CEACAM1: variants seen among roughly 807,000 people sequenced by gnomAD.
CEACAM1 encodes the protein cell adhesion molecule CEACAM1.
Under a neutral mutation model 49.1 loss-of-function variants are expected in CEACAM1, and 31 were observed. The ratio of observed to expected loss-of-function variants is 0.63; its 90% CI spans 0.47 to 0.85. The LOEUF (loss-of-function observed/expected upper bound fraction) is 0.85. Ranked by LOEUF, CEACAM1 falls within the 40% of genes least tolerant of loss-of-function variation. The pLI, the probability that CEACAM1 is intolerant of heterozygous loss-of-function variation, is 0.00. For missense variants in CEACAM1, 570 were observed against 645.3 expected, an observed-to-expected ratio of 0.88 and a Z score of 1.26; for synonymous variants, 244 against 247.8, an observed-to-expected ratio of 0.98 and a Z score of 0.14.
intron 8 of CEACAM1, among the ~76,000 whole-genome samples, chr19:42,509,540 C>T (rs2041403433): frequency 6.6e-6 from 1 of 152,102 alleles, no homozygotes. Context: ...TTTATTTCTC[C>T]TTTAGATAGG....
chr19:42,517,716 C>G (rs1019689023), intron 5 of CEACAM1, among the ~76,000 whole-genome samples: 3 of 152,208 alleles, frequency 2.0e-5, no homozygotes, highest in African/African-American at 7.2e-5. Context: ...AATTGGAACT[C>G]TAGTGCATTG....
rs186644124 is a variant in CEACAM1 at position 42,511,529 on chromosome 19, C to T, written c.1429+47G>A. 130 of 1,495,532 alleles carry T rather than the reference C, an allele frequency of 8.7e-5. 1 individual carries two copies. Among genetic ancestry groups the T allele is most frequent in the African/African-American group, 6.7e-4 (49 of 72,712 alleles). The allele number at this position is 1,495,532 out of a possible 1,614,324, so 92.6% of individuals were successfully genotyped here. On this transcript the variant is annotated intron_variant, in intron 7 of 8. Coordinates refer to ENST00000161559, the MANE Select transcript of CEACAM1 (RefSeq NM_001712.5). ...CAGGATTCCCTGCCAGGGGAGGGCA[C>T]GTGGTGGAACATACCAGTTCTCACT...
intron 2 of CEACAM1, among the ~76,000 whole-genome samples, chr19:42,523,474 C>T (rs1568663750): frequency 6.6e-6 from 1 of 152,208 alleles, no homozygotes; most frequent in Non-Finnish European, 1.5e-5. Flanking sequence ...GGGTGACAGG[C>T]AGGGGCTGCC....
In CEACAM1 at chr19:42,508,973, G is replaced by A. The variant is rs2041389295; in HGVS notation, c.*136C>T. On this transcript the variant is annotated 3_prime_UTR_variant, in exon 9 of 9. Coordinates refer to ENST00000161559, the MANE Select transcript of CEACAM1 (RefSeq NM_001712.5). ...GGCAGTGACCAGGCAGCCTGGAGATGCCTATTAGGAAGGAAGAGTAGGAGA... is the reference window on the plus strand; with the variant it reads ...GGCAGTGACCAGGCAGCCTGGAGATACCTATTAGGAAGGAAGAGTAGGAGA... The A allele has an allele frequency of 5.2e-6, 5 of 956,280 alleles. No homozygotes were observed. Among genetic ancestry groups the A allele is most frequent in the Non-Finnish European group, 7.9e-6 (5 of 633,274 alleles). 59.2% of individuals were successfully genotyped at this position (956,280 alleles called of 1,614,324 possible).
At chr19:42,519,400 C>T (rs1374521557) in intron 4 of CEACAM1, 165 bp from the exon 5 acceptor site, 14 of 649,362 alleles carry the variant, frequency 2.2e-5, no homozygotes, top group Non-Finnish European at 3.0e-5. Flanking sequence ...TGCAGAAGGT[C>T]GAGTGTCTTT....
rs554380066 is a variant in CEACAM1 at position 42,518,888 on chromosome 19, G to A, written c.1246+60C>T. On this transcript the variant is annotated intron_variant, in intron 5 of 8. Coordinates refer to ENST00000161559, the MANE Select transcript of CEACAM1 (RefSeq NM_001712.5). ...GCCTCCTGTGAGTTTTATCCATTTT[G>A]CACACCATTGACAGAGTAATCCTAG... 8.1e-5 allele frequency: 126 copies of A among 1,559,500 alleles called. 1 individual carries two copies. The South Asian group carries it at 1.3e-3, about 16-fold the overall frequency.
At chr19:42,518,033 A>C (rs991022780) in intron 5 of CEACAM1, among the ~76,000 whole-genome samples, 2 of 152,248 alleles carry the variant, frequency 1.3e-5, no homozygotes, top group Admixed American at 1.3e-4. Flanking sequence ...TACATTCTAC[A>C]ACATAGATGG....
rs1256644812 is a variant in CEACAM1 at position 42,527,038 on chromosome 19, C to CA, written c.424+2dup. On this transcript the variant is annotated splice_region_variant and intron_variant, in intron 2 of 8. Coordinates refer to ENST00000161559, the MANE Select transcript of CEACAM1 (RefSeq NM_001712.5). ...CACCCAGAGGTCATGGGGAAATACT[C>CA]ACGGTATACATGGAACTGTCCAGTT... 2.5e-6 allele frequency: 4 copies of CA among 1,590,326 alleles called. No individual in the cohort carries two copies. Among genetic ancestry groups the CA allele is most frequent in the Non-Finnish European group, 3.4e-6 (4 of 1,168,524 alleles).
chr19:42,521,623 C>T (rs2041750320), intron 3 of CEACAM1, 102 bp from the exon 4 acceptor site: 1 of 1,538,796 alleles, frequency 6.5e-7, no homozygotes, highest in Non-Finnish European at 8.7e-7. Context: ...AAGTCACAAC[C>T]CTGAAGTCCT....
Position 42,510,937 on chromosome 19 carries a change from A to C in CEACAM1, c.1430-17T>G. On this transcript the variant is annotated splice_polypyrimidine_tract_variant and intron_variant, in intron 7 of 8. Coordinates refer to ENST00000161559, the MANE Select transcript of CEACAM1 (RefSeq NM_001712.5). The stretch of plus-strand genomic sequence containing the variant: ...GGTCCTGAGCTGGAGAAGCAAAAGA[A>C]GAGTTAGCGATCCATGGAAATGCAA... 6.2e-7 allele frequency: 1 copy of C among 1,613,724 alleles called. No individual in the cohort carries two copies.
intron 5 of CEACAM1, 39 bp downstream of exon 5, chr19:42,518,909 C>G: frequency 1.9e-6 from 3 of 1,607,932 alleles, no homozygotes; most frequent in Non-Finnish European, 2.6e-6. Flanking sequence ...ACAGAGTAAT[C>G]CTAGAGGGAC....
In CEACAM1 at chr19:42,508,919, G is replaced by A; in HGVS notation, c.*190C>T. The A allele has an allele frequency of 3.4e-6, 2 of 581,674 alleles. No individual in the cohort carries two copies. Among genetic ancestry groups the A allele is most frequent in the Non-Finnish European group, 5.9e-6 (2 of 337,706 alleles). The allele number at this position is 581,674 out of a possible 1,614,324, so 36.0% of individuals were successfully genotyped here. ...GTTGGGTTTCCTACAGACTCCCAAT[G>A]TACTTTCATCTATTGACACTGAGAG... On this transcript the variant is annotated 3_prime_UTR_variant, in exon 9 of 9. Transcript: ENST00000161559.
At chr19:42,522,501 C>G (rs374146367) in intron 2 of CEACAM1, among the ~76,000 whole-genome samples, 2 of 152,048 alleles carry the variant, frequency 1.3e-5, no homozygotes, top group African/African-American at 4.8e-5. Context: ...CCGCCCGATT[C>G]GGCCTCTCAA....
Position 42,511,543 on chromosome 19 carries a change from C to G in CEACAM1, c.1429+33G>C, listed in dbSNP as rs932557655. ...AGGGGAGGGCACGTGGTGGAACATACCAGTTCTCACTGGGGTAAGTGGCTT... is the reference window on the plus strand; with the variant it reads ...AGGGGAGGGCACGTGGTGGAACATAGCAGTTCTCACTGGGGTAAGTGGCTT... On this transcript the variant is annotated intron_variant, in intron 7 of 8. Transcript: ENST00000161559. 8 of 1,589,244 alleles carry G rather than the reference C, an allele frequency of 5.0e-6. No homozygotes were observed. The African/African-American group carries it at 1.1e-4, about 21-fold the overall frequency.
intron 2 of CEACAM1, among the ~76,000 whole-genome samples, chr19:42,522,848 C>A (rs2041793373): frequency 6.6e-6 from 1 of 152,202 alleles, no homozygotes; most frequent in Non-Finnish European, 1.5e-5. Flanking sequence ...ATTTTTCAAT[C>A]AGAGTTGGCA....
chr19:42,528,182 A>C, intron 1 of CEACAM1, 129 bp downstream of exon 1: 1 of 694,498 alleles, frequency 1.4e-6, no homozygotes, highest in Non-Finnish European at 2.5e-6. Flanking sequence ...TATCCCTTTC[A>C]TGTCCTCTCT....
intron 5 of CEACAM1, among the ~76,000 whole-genome samples, chr19:42,513,057 G>A (rs2041501718): frequency 6.6e-6 from 1 of 152,196 alleles, no homozygotes; most frequent in South Asian, 2.1e-4. Context: ...TTTGAAATAT[G>A]AGAAAGGCTG....
Position 42,526,116 on chromosome 19 carries a change from C to T in CEACAM1, c.424+925G>A, listed in dbSNP as rs557619880. 6.8e-4 allele frequency among the ~76,000 whole-genome samples: 104 copies of T among 152,112 alleles called. No homozygotes were observed. The Middle Eastern group carries it at 0.01, about 15-fold the overall frequency. ...GATTACAGGCACGCACCACCATGCC[C>T]GGCTAATTTTTTTGTATTTTTAGTA... is the stretch of plus-strand genomic sequence containing the variant. On this transcript the variant is annotated intron_variant, in intron 2 of 8. Coordinates refer to ENST00000161559, the MANE Select transcript of CEACAM1 (RefSeq NM_001712.5).
chr19:42,512,766 C>T (rs2147773083), intron 5 of CEACAM1, among the ~76,000 whole-genome samples: 1 of 151,982 alleles, frequency 6.6e-6, no homozygotes, highest in African/African-American at 2.4e-5. Flanking sequence ...CAACCTCCGC[C>T]TCCCAGGTTC....
Sources: gnomAD v4.1 joint callset for allele counts (sites outside exome capture counted in the v4.1 genomes callset) on GRCh38, gnomAD v4.1.1 for gene constraint, MANE v1.5 for transcripts, NCBI Gene and HGNC (gene_info 2026-07-23, HGNC 2026-07-21) for gene names.